Variants in RAB27B observed in about 807,000 individuals in gnomAD.
RAB27B encodes ras-related protein Rab-27B.
Under a neutral mutation model 24.6 loss-of-function variants are expected in RAB27B, and 15 were observed. The ratio of observed to expected loss-of-function variants is 0.61; its 90% CI spans 0.41 to 0.94. The LOEUF (loss-of-function observed/expected upper bound fraction) is 0.94, where lower values mean the gene tolerates loss of function less well. Among genes scored for constraint, RAB27B ranks in the 40% least tolerant of loss-of-function variants. The pLI is 0.00. For synonymous variants in RAB27B, 105 were observed against 92.5 expected (o/e 1.14, Z -0.78); for missense variants, 261 against 266.8 (o/e 0.98, Z 0.15).
chr18:54,785,590 T>C (rs1788567471), intron 2 of RAB27B, among the ~76,000 whole-genome samples: 1 of 151,884 alleles, frequency 6.6e-6, no homozygotes, highest in South Asian at 2.1e-4. Context: ...TTGTATACAG[T>C]ATATTGATTT....
rs540971728 is a variant in RAB27B at position 54,750,198 on chromosome 18, T to A, written c.-20+32057T>A. ...CATTTTTTATCAATTAAATTAATGA[T>A]CATTTTCAGAATCTTATAATGATCC... On this transcript the variant is annotated intron_variant, in intron 2 of 4. Transcript: ENST00000586570. Among the ~76,000 whole-genome samples, 139 of 152,284 alleles carry A rather than the reference T, an allele frequency of 9.1e-4. 1 individual carries two copies. The highest frequency in any genetic ancestry group is 3.2e-3 in the African/African-American group (134 of 41,562).
intron 2 of RAB27B, among the ~76,000 whole-genome samples, chr18:54,722,279 A>C (rs550814408): frequency 2.6e-4 from 40 of 152,290 alleles, no homozygotes; most frequent in African/African-American, 8.7e-4. Context: ...CAGAAAAAGA[A>C]AGAATTGTTT....
intron 1 of RAB27B, among the ~76,000 whole-genome samples, chr18:54,832,362 C>T (rs1054600138): frequency 6.6e-6 from 1 of 152,138 alleles, no homozygotes; most frequent in Admixed American, 6.5e-5. Flanking sequence ...GACAGAAGGC[C>T]ATTTCCTAAG....
At chr18:54,862,886 T>G (rs978172238) in intron 1 of RAB27B, among the ~76,000 whole-genome samples, 9 of 152,222 alleles carry the variant, frequency 5.9e-5, no homozygotes, top group Non-Finnish European at 1.3e-4. Flanking sequence ...TAACAAACAT[T>G]TCTATAAATC....
intron 2 of RAB27B, among the ~76,000 whole-genome samples, chr18:54,747,850 A>G (rs1016172774): frequency 2.6e-5 from 4 of 152,160 alleles, no homozygotes; most frequent in African/African-American, 9.7e-5. Context: ...GCTCCTGCCT[A>G]TAGTCCCAGT....
At chr18:54,768,791 C>T (rs1290989235) in intron 2 of RAB27B, among the ~76,000 whole-genome samples, 1 of 152,114 alleles carries the variant, frequency 6.6e-6, no homozygotes, top group East Asian at 1.9e-4. Context: ...GGGGAAATGA[C>T]AGACACTTAT....
At chr18:54,733,647 AG>A (rs1909794081) in intron 2 of RAB27B, among the ~76,000 whole-genome samples, 1 of 91,016 alleles carries the variant, frequency 1.1e-5, no homozygotes. Flanking sequence ...CTTCTGTTCT[AG>A]AGCCCCCCCC....
chr18:54,792,868 C>T (rs772898335), intron 2 of RAB27B, among the ~76,000 whole-genome samples: 1 of 152,116 alleles, frequency 6.6e-6, no homozygotes, highest in Non-Finnish European at 1.5e-5. Flanking sequence ...AAATTGTCAC[C>T]AGTGTCAATA....
At chr18:54,878,048 T>C (rs961111470) in intron 2 of RAB27B, among the ~76,000 whole-genome samples, 3 of 152,196 alleles carry the variant, frequency 2.0e-5, no homozygotes, top group African/African-American at 7.2e-5. Context: ...ATTATTAGAA[T>C]TTAAAAACAT....
intron 2 of RAB27B, among the ~76,000 whole-genome samples, chr18:54,753,534 A>AT (rs1280866120): frequency 6.6e-6 from 1 of 152,112 alleles, no homozygotes; most frequent in Non-Finnish European, 1.5e-5. Context: ...AAAAATGGTG[A>AT]TTTTCCTTTT....
At chr18:54,778,874 C>T (rs1453980976) in intron 2 of RAB27B, among the ~76,000 whole-genome samples, 1 of 150,028 alleles carries the variant, frequency 6.7e-6, no homozygotes, top group East Asian at 2.0e-4. Flanking sequence ...CAGAGTCTTA[C>T]TCTGTCACCA....
At chr18:54,732,056 A>T (rs1909748276) in intron 2 of RAB27B, among the ~76,000 whole-genome samples, 1 of 152,206 alleles carries the variant, frequency 6.6e-6, no homozygotes, top group Non-Finnish European at 1.5e-5. Context: ...GTATTGTGTA[A>T]GCTCTCTGAT....
intron 2 of RAB27B, among the ~76,000 whole-genome samples, chr18:54,781,457 A>G (rs1234776015): frequency 2.0e-5 from 3 of 151,976 alleles, no homozygotes; most frequent in Non-Finnish European, 4.4e-5. Flanking sequence ...AGCTTGCCTA[A>G]CACTATAAAT....
chr18:54,822,891 C>T (rs1369484276), intron 2 of RAB27B, among the ~76,000 whole-genome samples: 2 of 152,000 alleles, frequency 1.3e-5, no homozygotes, highest in African/African-American at 4.8e-5. Flanking sequence ...ATTATTTGGG[C>T]CTTTCCCACA....
chr18:54,768,888 G>C (rs1908452143), intron 2 of RAB27B, among the ~76,000 whole-genome samples: 3 of 152,094 alleles, frequency 2.0e-5, no homozygotes, highest in South Asian at 4.2e-4. Flanking sequence ...ACTCCACCTG[G>C]TCCTGCCCTT....
chr18:54,789,271 T>C (rs147410483), intron 2 of RAB27B, among the ~76,000 whole-genome samples: 2 of 152,336 alleles, frequency 1.3e-5, no homozygotes, highest in Non-Finnish European at 2.9e-5. Flanking sequence ...ATTCATACCA[T>C]TGGCTTTATG....
intron 2 of RAB27B, among the ~76,000 whole-genome samples, chr18:54,759,235 G>A (rs1323933704): frequency 1.3e-5 from 2 of 152,076 alleles, no homozygotes; most frequent in African/African-American, 2.4e-5. Flanking sequence ...CTTCATACAT[G>A]AAGTCTTTCC....
At chr18:54,786,850 C>T (rs959955077) in intron 2 of RAB27B, among the ~76,000 whole-genome samples, 2 of 152,176 alleles carry the variant, frequency 1.3e-5, no homozygotes, top group African/African-American at 2.4e-5. Context: ...AGCTATTAAG[C>T]GATAAACATG....
At chr18:54,860,777 C>T (rs2145236491) in intron 1 of RAB27B, among the ~76,000 whole-genome samples, 1 of 152,336 alleles carries the variant, frequency 6.6e-6, no homozygotes, top group Middle Eastern at 3.4e-3. Context: ...TTTCTATAGG[C>T]ATCTATGTAG....
Sources: allele counts gnomAD v4.1 joint callset (sites outside exome capture counted in the v4.1 genomes callset), GRCh38; gene constraint gnomAD v4.1.1; transcripts MANE v1.5; gene names NCBI Gene and HGNC (gene_info 2026-07-23, HGNC 2026-07-21).